The following AHCYL1 variants were observed in gnomAD, a reference collection of about 807,000 sequenced individuals.
The protein encoded by AHCYL1 is S-adenosylhomocysteine hydrolase-like protein 1.
In AHCYL1, 20 loss-of-function variants were observed where a neutral mutation model predicts 79.3. That is an observed-to-expected ratio of 0.25 (90% confidence interval 0.18 to 0.37). The LOEUF is 0.37. Ranked by LOEUF, AHCYL1 falls within the 10% of genes least tolerant of loss-of-function variation. The probability of loss-of-function intolerance (pLI) is 1.00; values close to 1 mark genes in which losing one functional copy is unlikely to be tolerated. For missense variants in AHCYL1, 330 were observed against 673.6 expected, an observed-to-expected ratio of 0.49 and a Z score of 5.65; for synonymous variants, 223 against 242.2, an observed-to-expected ratio of 0.92 and a Z score of 0.74.
At chr1:109,998,529 G>T (rs1230814606) in intron 1 of AHCYL1, among the ~76,000 whole-genome samples, 1 of 152,136 alleles carries the variant, frequency 6.6e-6, no homozygotes, top group Non-Finnish European at 1.5e-5. Flanking sequence ...CCAGGCTGGA[G>T]TGCAGTGGTG....
intron 1 of AHCYL1, among the ~76,000 whole-genome samples, chr1:109,991,174 A>G (rs2101693160): frequency 6.6e-6 from 1 of 152,354 alleles, no homozygotes; most frequent in Middle Eastern, 3.4e-3. Flanking sequence ...AATGATGGAT[A>G]CTGCTTATCA....
Position 109,985,531 on chromosome 1 carries a change from A to G in AHCYL1, c.120+359A>G, listed in dbSNP as rs1376528492. 4.7e-5 allele frequency: 47 copies of G among 1,001,302 alleles called. 1 individual carries two copies. Among genetic ancestry groups the G allele is most frequent in the Non-Finnish European group, 5.4e-5 (45 of 840,034 alleles). The allele number at this position is 1,001,302 out of a possible 1,614,324, so 62.0% of individuals were successfully genotyped here. On this transcript the variant is annotated intron_variant, in intron 1 of 16. Coordinates refer to ENST00000369799, the MANE Select transcript of AHCYL1 (RefSeq NM_006621.7). ...GTCCGGGGGCATGGGGTGTACAGAA[A>G]ATCTCCCTTCAGGTGAGTGGGTAAA...
At position 109,987,123 on chromosome 1, in the gene AHCYL1, T is replaced by G. The variant is rs182681541; in HGVS notation, c.120+1951T>G. On this transcript the variant is annotated intron_variant, in intron 1 of 16. Coordinates refer to ENST00000369799, the MANE Select transcript of AHCYL1 (RefSeq NM_006621.7). ...TAAGTTTTATTCTTTAGCATTTACGTAGTACTTTGTAATAAAGTGTTTCAT... is the reference window on the plus strand; with the variant it reads ...TAAGTTTTATTCTTTAGCATTTACGGAGTACTTTGTAATAAAGTGTTTCAT... Among the ~76,000 whole-genome samples, 32 of 152,350 alleles carry G rather than the reference T, an allele frequency of 2.1e-4. No individual in the cohort carries two copies. The East Asian group carries it at 6.0e-3, about 28-fold the overall frequency.
At chr1:110,013,664 C>A (rs951474414) in intron 5 of AHCYL1, among the ~76,000 whole-genome samples, 6 of 152,008 alleles carry the variant, frequency 3.9e-5, no homozygotes, top group Admixed American at 2.6e-4. Context: ...GAGCCGAGAT[C>A]ATGCCACTGC....
rs1651217905 is a variant in AHCYL1 at position 110,013,691 on chromosome 1, C to CA, written c.580+693dup. Among the ~76,000 whole-genome samples the CA allele has an allele frequency of 2.0e-5, 3 of 151,962 alleles. No individual in the cohort carries two copies. The South Asian group carries it at 6.2e-4, about 32-fold the overall frequency. Reference sequence around the variant, plus strand: ...TGCCACTGCACTGCAGCCTGGGCGACAGAGTGAAACTCCATCTCAAAAATT... The same window carrying CA: ...TGCCACTGCACTGCAGCCTGGGCGACAAGAGTGAAACTCCATCTCAAAAATT... On this transcript the variant is annotated intron_variant, in intron 5 of 16. Transcript: ENST00000369799.
chr1:110,002,610 G>A (rs1177235089), intron 1 of AHCYL1, among the ~76,000 whole-genome samples: 1 of 152,166 alleles, frequency 6.6e-6, no homozygotes, highest in African/African-American at 2.4e-5. Flanking sequence ...TTCAGGCAAG[G>A]ATTATTAACA....
intron 1 of AHCYL1, 135 bp downstream of exon 1, chr1:109,985,307 C>T (rs1244384370): frequency 9.3e-6 from 13 of 1,399,690 alleles, no homozygotes; most frequent in Non-Finnish European, 1.2e-5. Flanking sequence ...GGGGTGGCGG[C>T]TGTGCGGCCC....
intron 7 of AHCYL1, among the ~76,000 whole-genome samples, chr1:110,016,014 A>G (rs1049629189): frequency 1.3e-5 from 2 of 152,182 alleles, no homozygotes; most frequent in East Asian, 1.9e-4. Context: ...AGAATCATTG[A>G]TAGTCTTTGT....
chr1:110,011,145 G>C, intron 2 of AHCYL1, 69 bp from the exon 3 acceptor site: 1 of 1,580,716 alleles, frequency 6.3e-7, no homozygotes, highest in Non-Finnish European at 8.6e-7. Flanking sequence ...GTCCCTTGGG[G>C]ACTGCACTCT....
At chr1:109,998,612 G>A (rs2101704777) in intron 1 of AHCYL1, among the ~76,000 whole-genome samples, 1 of 152,134 alleles carries the variant, frequency 6.6e-6, no homozygotes, top group African/African-American at 2.4e-5. Context: ...TGAGTAGCTG[G>A]GATTATAGGT....
At chr1:110,008,881 C>T (rs758914708) in intron 1 of AHCYL1, among the ~76,000 whole-genome samples, 153 bp from the exon 2 acceptor site, 2 of 152,044 alleles carry the variant, frequency 1.3e-5, no homozygotes, top group African/African-American at 2.4e-5. Flanking sequence ...AGAGTAGCCT[C>T]GGCCTTCCCC....
At position 109,992,827 on chromosome 1, in the gene AHCYL1, C is replaced by G. The variant is rs537962762; in HGVS notation, c.120+7655C>G. 4.6e-5 allele frequency among the ~76,000 whole-genome samples: 7 copies of G among 152,246 alleles called. No homozygotes were observed. In the South Asian group the frequency reaches 1.5e-3, roughly 32 times the overall value. On this transcript the variant is annotated intron_variant, in intron 1 of 16. Transcript: ENST00000369799. ...TCAGGAGCACAAAAATATGCGTATT[C>G]TGTTAGAGGATTTATGGGACTTCTG... is the stretch of plus-strand genomic sequence containing the variant.
chr1:109,992,563 T>A (rs1024432236), intron 1 of AHCYL1, among the ~76,000 whole-genome samples: 1 of 152,158 alleles, frequency 6.6e-6, no homozygotes, highest in Non-Finnish European at 1.5e-5. Context: ...AAATAGAGAT[T>A]CACTTTGAAT....
intron 10 of AHCYL1, 88 bp downstream of exon 10, chr1:110,017,671 C>T (rs2101740867): frequency 7.2e-7 from 1 of 1,379,938 alleles, no homozygotes. Flanking sequence ...ATCATTTTTG[C>T]AGAAATCACC....
intron 1 of AHCYL1, among the ~76,000 whole-genome samples, chr1:109,990,577 TAAG>T (rs1398246084): frequency 2.0e-5 from 3 of 152,204 alleles, no homozygotes; most frequent in Non-Finnish European, 4.4e-5. Context: ...GTCTTTTCAA[TAAG>T]AAAATTTTTT....
At chr1:110,013,281 A>T (rs1054235788) in intron 5 of AHCYL1, among the ~76,000 whole-genome samples, 1 of 152,232 alleles carries the variant, frequency 6.6e-6, no homozygotes. Context: ...TAAACTATAT[A>T]AGTGCCATCA....
In AHCYL1 at chr1:110,020,871, G is replaced by A. The variant is rs1378136649; in HGVS notation, c.1586+20G>A. The A allele has an allele frequency of 1.9e-6, 3 of 1,606,064 alleles. No individual in the cohort carries two copies. Among genetic ancestry groups the A allele is most frequent in the Non-Finnish European group, 2.5e-6 (3 of 1,177,474 alleles). Reference sequence around the variant, plus strand: ...TTACAGGTAACCTGGGGAGAAGCAAGTGAAAAGCTCTTTTTCCCAGTATTA... The same window carrying A: ...TTACAGGTAACCTGGGGAGAAGCAAATGAAAAGCTCTTTTTCCCAGTATTA... On this transcript the variant is annotated intron_variant, in intron 16 of 16. Coordinates refer to ENST00000369799, the MANE Select transcript of AHCYL1 (RefSeq NM_006621.7).
intron 1 of AHCYL1, among the ~76,000 whole-genome samples, chr1:109,991,639 G>T (rs1021660849): frequency 6.6e-6 from 1 of 152,086 alleles, no homozygotes; most frequent in Admixed American, 6.5e-5. Context: ...TTTTCTCTCC[G>T]GAACCTGCGA....
intron 1 of AHCYL1, among the ~76,000 whole-genome samples, chr1:109,988,325 G>A (rs1394404751): frequency 6.6e-6 from 1 of 152,194 alleles, no homozygotes; most frequent in African/African-American, 2.4e-5. Flanking sequence ...ATTTCAGATG[G>A]TATGGCTAGG....
Sources: gnomAD v4.1 joint callset for allele counts (sites outside exome capture counted in the v4.1 genomes callset) on GRCh38, gnomAD v4.1.1 for gene constraint, MANE v1.5 for transcripts, NCBI Gene and HGNC (gene_info 2026-07-23, HGNC 2026-07-21) for gene names.